The following TRIM14 variants were observed in gnomAD, a reference collection of about 807,000 sequenced individuals.
The protein encoded by TRIM14 is tripartite motif containing 14, also known as tripartite motif-containing protein 14.
TRIM14 carries 28 observed loss-of-function variants against 44.5 expected under a neutral mutation model. The observed-to-expected ratio is 0.63, with a 90% CI of 0.47 to 0.86. The LOEUF is 0.86. Among genes scored for constraint, TRIM14 ranks in the 40% least tolerant of loss-of-function variants. The pLI, the probability that TRIM14 is intolerant of heterozygous loss-of-function variation, is 0.00. For missense variants in TRIM14, 607 were observed against 611.1 expected, an observed-to-expected ratio of 0.99 and a Z score of 0.07; for synonymous variants, 299 against 269.2, an observed-to-expected ratio of 1.11 and a Z score of -1.08.
rs771389776 is a variant in TRIM14, at chr9:98,091,976, A to C, written c.726T>G (p.Pro242=). 1 of 1,610,368 alleles carries C rather than the reference A, an allele frequency of 6.2e-7. No individual in the cohort carries two copies. The highest frequency in any genetic ancestry group is 1.1e-5 in the South Asian group (1 of 90,646). ...KESINCQLSD[P]SSTKPGTLLK... ...ACAAGGTACCTGGCTTGGTGCTGGA[A>C]GGGTCTGAGAGCTGGCAGTTTATGC... Residue 242 remains proline, a synonymous_variant, in exon 5 of 6, where the codon CCT becomes CCG. Coordinates refer to ENST00000341469, the MANE Select transcript of TRIM14 (RefSeq NM_014788.4).
At chr9:98,053,970 G>A in the TRIM14 span, among the ~76,000 whole-genome samples, 6 of 152,126 alleles carry the variant, frequency 3.9e-5, no homozygotes, top group Admixed American at 2.0e-4. Context: ...AAAACAGATA[G>A]TAGTCACCTC....
chr9:98,061,249 G>T, the TRIM14 span: 1 of 458,292 alleles, frequency 2.2e-6, no homozygotes, highest in Non-Finnish European at 4.0e-6. Context: ...GACTGAGGGG[G>T]ATGGATCACC....
At chr9:98,094,785 G>A in intron 4 of TRIM14, 82 bp downstream of exon 4, 4 of 1,488,212 alleles carry the variant, frequency 2.7e-6, no homozygotes, top group Non-Finnish European at 9.2e-7. Context: ...ACAGGATGTA[G>A]GGAGATGATC....
the TRIM14 span, chr9:98,056,869 A>T: frequency 6.2e-7 from 1 of 1,612,256 alleles, no homozygotes; most frequent in Non-Finnish European, 8.5e-7. Context: ...CCCGTGCTTC[A>T]TCATTGCCGA....
At chr9:98,045,551 G>A in the TRIM14 span, among the ~76,000 whole-genome samples, 1 of 152,176 alleles carries the variant, frequency 6.6e-6, no homozygotes, top group Non-Finnish European at 1.5e-5. Context: ...TCCGTTTTCT[G>A]TACATCACTT....
intron 3 of TRIM14, among the ~76,000 whole-genome samples, chr9:98,098,404 G>T (rs1393487597): frequency 6.6e-6 from 1 of 152,192 alleles, no homozygotes. Context: ...TTTCTTCCAC[G>T]GTTCCCTAAA....
intron 6 of TRIM14, chr9:98,078,487 A>G (rs1389470557): frequency 2.6e-6 from 3 of 1,164,278 alleles, no homozygotes; most frequent in African/African-American, 3.1e-5. Flanking sequence ...TACCAAATCA[A>G]ATTCGAGCTA....
chr9:98,078,067 G>T, intron 6 of TRIM14: 1 of 1,400,574 alleles, frequency 7.1e-7, no homozygotes, highest in South Asian at 1.4e-5. Context: ...CACAGGGGCT[G>T]GCACAGTGTT....
rs1206405698 is a variant in TRIM14, at chr9:98,100,113, T to C, written c.355A>G (p.Arg119Gly). Residue 119 changes from arginine to glycine, a missense_variant, in exon 3 of 6, where the codon AGA (arginine) becomes GGA (glycine). This residue lies in a region of TRIM14 where 246 missense variants were observed against 270.8 expected (regional missense o/e 0.91). Coordinates refer to ENST00000341469, the MANE Select transcript of TRIM14 (RefSeq NM_014788.4). ...TWLKGKFTEL[R>G]LLLDEEEALA... ...GCTTCCTCTTCGTCAAGTAGTAATC[T>C]GAGTTCAGTGAATTTCCCCTTCAGC... 6.2e-7 allele frequency: 1 copy of C among 1,614,114 alleles called. No homozygotes were observed. The highest frequency in any genetic ancestry group is 1.3e-5 in the African/African-American group (1 of 74,918).
At chr9:98,036,650 T>C in the TRIM14 span, among the ~76,000 whole-genome samples, 2 of 151,698 alleles carry the variant, frequency 1.3e-5, no homozygotes, top group South Asian at 4.2e-4. Flanking sequence ...GAAAATACAG[T>C]ATTAGCCAGG....
At chr9:98,105,372 A>G (rs1185047133) in intron 2 of TRIM14, among the ~76,000 whole-genome samples, 1 of 152,186 alleles carries the variant, frequency 6.6e-6, no homozygotes, top group Non-Finnish European at 1.5e-5. Context: ...TGACGTCAGG[A>G]GTTCGAGACC....
intron 1 of TRIM14, among the ~76,000 whole-genome samples, chr9:98,115,574 G>A (rs565191717): frequency 6.6e-6 from 1 of 151,758 alleles, no homozygotes; most frequent in Non-Finnish European, 1.5e-5. Flanking sequence ...AGTAAAGATG[G>A]GGTTTCACCA....
intron 3 of TRIM14, among the ~76,000 whole-genome samples, chr9:98,096,770 G>C (rs898222999): frequency 1.3e-5 from 2 of 152,064 alleles, no homozygotes; most frequent in Admixed American, 1.3e-4. Context: ...CTCTCTCCTG[G>C]ACATTGTGGC....
At chr9:98,078,057 C>A (rs757404393) in intron 6 of TRIM14, 3 of 1,326,684 alleles carry the variant, frequency 2.3e-6, no homozygotes, top group Non-Finnish European at 3.1e-6. Context: ...TCTGTTCCCC[C>A]ACAGGGGCTG....
chr9:98,067,381 T>G (rs1278094519), downstream of TRIM14, among the ~76,000 whole-genome samples: 1 of 152,210 alleles, frequency 6.6e-6, no homozygotes, highest in Non-Finnish European at 1.5e-5. Flanking sequence ...GGTTTGATGG[T>G]GCCAGTTGCT....
chr9:98,039,592 A>C, the TRIM14 span, among the ~76,000 whole-genome samples: 1 of 152,072 alleles, frequency 6.6e-6, no homozygotes, highest in South Asian at 2.1e-4. Context: ...GACCCTCCCT[A>C]AACTGCTCCT....
the TRIM14 span, among the ~76,000 whole-genome samples, chr9:98,058,477 TCA>T: frequency 2.0e-5 from 3 of 152,318 alleles, no homozygotes; most frequent in East Asian, 1.9e-4. Flanking sequence ...AGGGGTTTTT[TCA>T]GTTTTTGCTC....
chr9:98,087,550 A>G lies in TRIM14; in HGVS notation c.1249T>C (p.Phe417Leu). 6.3e-7 allele frequency: 1 copy of G among 1,596,412 alleles called. No homozygotes were observed. ...AGCGGCTCCTGGAACGTGGCGCGGA[A>G]GGTATGCAGGTGGCTCATGCCGCCC... ...VTGGMSHLHT[F>L]RATFQEPLYP... Residue 417 changes from phenylalanine to leucine, a missense_variant, in exon 6 of 6, where the codon TTC becomes CTC. Phe to Leu is a conservative substitution (Grantham distance 22). Around this residue, in one of 3 missense-constraint regions of TRIM14, gnomAD observed 356 missense variants for 323.0 expected, o/e 1.10. Transcript: ENST00000341469.
the TRIM14 span, among the ~76,000 whole-genome samples, chr9:98,038,771 C>T: frequency 2.0e-5 from 3 of 152,152 alleles, no homozygotes; most frequent in Non-Finnish European, 4.4e-5. Context: ...TGAGACACGG[C>T]CAGGTGTGGT....
Sources: gnomAD v4.1 joint callset for allele counts (sites outside exome capture counted in the v4.1 genomes callset) on GRCh38, gnomAD v4.1.1 for gene constraint, gnomAD v4.1.1 regional missense constraint, MANE v1.5 for transcripts, NCBI Gene and HGNC (gene_info 2026-07-23, HGNC 2026-07-21) for gene names.